The following GTSE1 variants were observed in gnomAD, a reference collection of about 807,000 sequenced individuals.
GTSE1 encodes G2 and S phase-expressed protein 1.
A neutral mutation model predicts 60.5 loss-of-function variants in GTSE1; 52 were observed. That is an observed-to-expected ratio of 0.86 (90% confidence interval 0.69 to 1.08). The LOEUF is 1.08. Among genes scored for constraint, GTSE1 ranks in the 50% least tolerant of loss-of-function variants. The pLI is 0.00. For synonymous variants in GTSE1, 368 were observed against 386.5 expected, an observed-to-expected ratio of 0.95 and a Z score of 0.56; for missense variants, 937 against 961.8, an observed-to-expected ratio of 0.97 and a Z score of 0.34.
rs1326693362 is a variant in GTSE1, at chr22:46,317,680, TC to T, written c.1432+1270del. 1.3e-5 allele frequency among the ~76,000 whole-genome samples: 2 copies of T among 152,352 alleles called. No homozygotes were observed. ...AGGCAGTTAAGGTGCAGATCATCCT[TC>T]CGAGGCTTTTTATGCTTTGAAGTGG... On this transcript the variant is annotated intron_variant, in intron 7 of 11. Transcript: ENST00000454366. The surrounding 1 kb of genome is among the most constrained non-coding windows in gnomAD (Gnocchi z 5.6).
At position 46,308,693 on chromosome 22, in the gene GTSE1, G is replaced by A. The variant is rs539781674; in HGVS notation, c.512G>A (p.Ser171Asn). The part of the protein sequence containing the change: ...LKRETYYLSD[S>N]PLLGPPVGEP... ...AGGGAGACATACTACCTGTCAGACA[G>A]CCCCTTGCTGGGGCCCCCTGTGGGT... is the stretch of plus-strand genomic sequence containing the variant. The change falls in exon 4 of 12, where the codon AGC (serine) becomes AAC (asparagine). Residue 171 changes from serine (S) to asparagine (N), a missense_variant. Transcript: ENST00000454366. 1.9e-6 allele frequency: 3 copies of A among 1,613,888 alleles called. No individual in the cohort carries two copies. The highest frequency in any genetic ancestry group is 1.3e-5 in the African/African-American group (1 of 75,080).
Position 46,329,062 on chromosome 22 carries a change from C to A in GTSE1, c.1926+173C>A. ...GAGGCAGTCAGGACTTCCAGGCCTCCAGGGGAGAAAGCCCTGCATTTGACT... is the reference window on the plus strand; with the variant it reads ...GAGGCAGTCAGGACTTCCAGGCCTCAAGGGGAGAAAGCCCTGCATTTGACT... On this transcript the variant is annotated intron_variant, in intron 10 of 11. Coordinates refer to ENST00000454366, the MANE Select transcript of GTSE1 (RefSeq NM_016426.7). This position sits in a 1 kb window ranked among gnomAD's most constrained non-coding sequence, Gnocchi z 6.4. The A allele has an allele frequency of 1.6e-6, 1 of 626,420 alleles. No individual in the cohort carries two copies. Among genetic ancestry groups the A allele is most frequent in the Non-Finnish European group, 2.8e-6 (1 of 355,702 alleles). 38.8% of individuals were successfully genotyped at this position (626,420 alleles called of 1,614,324 possible).
At chr22:46,308,239 G>T in intron 3 of GTSE1, 32 bp downstream of exon 3, 1 of 1,607,514 alleles carries the variant, frequency 6.2e-7, no homozygotes, top group Non-Finnish European at 8.5e-7. Flanking sequence ...CCTTGCCTTG[G>T]GCATAACCAC....
rs968508471 is a variant in GTSE1, at chr22:46,324,242, T to C, written c.1505+980T>C. ...CCATGCTAAGCTGCCGTCCCTCCCA[T>C]GCATGGTGGTGAAGAGCAAAGACCA... On this transcript the variant is annotated intron_variant, in intron 8 of 11. Transcript: ENST00000454366. This position sits in a 1 kb window ranked among gnomAD's most constrained non-coding sequence, Gnocchi z 5.2. Among the ~76,000 whole-genome samples, 7 of 152,168 alleles carry C rather than the reference T, an allele frequency of 4.6e-5. No individual in the cohort carries two copies. The highest frequency in any genetic ancestry group is 1.7e-4 in the African/African-American group (7 of 41,448).
intron 9 of GTSE1, 152 bp from the exon 10 acceptor site, chr22:46,328,536 A>C: frequency 6.5e-6 from 4 of 613,044 alleles, no homozygotes; most frequent in Non-Finnish European, 1.2e-5. Flanking sequence ...CCTTCCATAC[A>C]CAGGAAACTG....
At position 46,321,490 on chromosome 22, in the gene GTSE1, G is replaced by A. The variant is rs2077812291; in HGVS notation, c.1433-1700G>A. Among the ~76,000 whole-genome samples, 1 of 152,238 alleles carries A rather than the reference G, an allele frequency of 6.6e-6. No individual in the cohort carries two copies. The highest frequency in any genetic ancestry group is 1.9e-4 in the East Asian group (1 of 5,188). Reference sequence around the variant, plus strand: ...TTTGACTCAGCTGTGTGCGAGCTGCGCGCCTCTCCAGTGCTGGGGTGAACA... The same window carrying A: ...TTTGACTCAGCTGTGTGCGAGCTGCACGCCTCTCCAGTGCTGGGGTGAACA... On this transcript the variant is annotated intron_variant, in intron 7 of 11. Coordinates refer to ENST00000454366, the MANE Select transcript of GTSE1 (RefSeq NM_016426.7). The surrounding 1 kb of genome is among the most constrained non-coding windows in gnomAD (Gnocchi z 4.0).
In GTSE1 at chr22:46,297,972, A is replaced by C. The variant is rs939588598; in HGVS notation, c.79+493A>C. On this transcript the variant is annotated intron_variant, in intron 2 of 11. Transcript: ENST00000454366. This position sits in a 1 kb window ranked among gnomAD's most constrained non-coding sequence, Gnocchi z 4.9. Reference sequence around the variant, plus strand: ...TCAAAGCGTTTTTATTTATTTATTTATTTATTTATTGACGGAGTCTCGCTC... The same window carrying C: ...TCAAAGCGTTTTTATTTATTTATTTCTTTATTTATTGACGGAGTCTCGCTC... Among the ~76,000 whole-genome samples the C allele has an allele frequency of 6.6e-6, 1 of 151,788 alleles. No individual in the cohort carries two copies. The highest frequency in any genetic ancestry group is 1.5e-5 in the Non-Finnish European group (1 of 67,984).
chr22:46,321,628 G>A lies in GTSE1; in HGVS notation c.1433-1562G>A, dbSNP rs571231485. On this transcript the variant is annotated intron_variant, in intron 7 of 11. Coordinates refer to ENST00000454366, the MANE Select transcript of GTSE1 (RefSeq NM_016426.7). The surrounding 1 kb of genome is among the most constrained non-coding windows in gnomAD (Gnocchi z 4.0). The stretch of plus-strand genomic sequence containing the variant: ...AATGCGGAGGTAGCAATGTGGGTGC[G>A]TGATTTAGAAATGAGTGAAGGGAGA... Among the ~76,000 whole-genome samples, 2 of 152,308 alleles carry A rather than the reference G, an allele frequency of 1.3e-5. No individual in the cohort carries two copies. The highest frequency in any genetic ancestry group is 6.5e-5 in the Admixed American group (1 of 15,312).
chr22:46,313,377 T>C lies in GTSE1; in HGVS notation c.928-513T>C, dbSNP rs1380386717. Among the ~76,000 whole-genome samples, 2 of 152,168 alleles carry C rather than the reference T, an allele frequency of 1.3e-5. No individual in the cohort carries two copies. The highest frequency in any genetic ancestry group is 4.8e-5 in the African/African-American group (2 of 41,454). ...TGGGGCCCCAAATCTGCATTTCTGCTAGCTCCCTAATGTGGTCCTCATGCA... is the reference window on the plus strand; with the variant it reads ...TGGGGCCCCAAATCTGCATTTCTGCCAGCTCCCTAATGTGGTCCTCATGCA... On this transcript the variant is annotated intron_variant, in intron 5 of 11. Coordinates refer to ENST00000454366, the MANE Select transcript of GTSE1 (RefSeq NM_016426.7). The surrounding 1 kb of genome is among the most constrained non-coding windows in gnomAD (Gnocchi z 4.4).
chr22:46,314,111 C>A lies in GTSE1; in HGVS notation c.1051+98C>A. On this transcript the variant is annotated intron_variant, in intron 6 of 11. Transcript: ENST00000454366. The surrounding 1 kb of genome is among the most constrained non-coding windows in gnomAD (Gnocchi z 7.1). ...GACTGTTTCTGCAGAACCACTTAGG[C>A]TTGGCAGGACGTCCCGGAGGGCGTG... 1 of 1,468,858 alleles carries A rather than the reference C, an allele frequency of 6.8e-7. No homozygotes were observed. Among genetic ancestry groups the A allele is most frequent in the South Asian group, 1.2e-5 (1 of 86,510 alleles). The allele number at this position is 1,468,858 out of a possible 1,614,324, so 91.0% of individuals were successfully genotyped here.
rs143044217 is a variant in GTSE1 at position 46,299,596 on chromosome 22, G to C, written c.79+2117G>C. ...AGAAGATATCCTGAATCCATCTACA[G>C]ACTCTCCATCTCCATCCACATGCTG... On this transcript the variant is annotated intron_variant, in intron 2 of 11. Transcript: ENST00000454366. Among the ~76,000 whole-genome samples, 424 of 152,234 alleles carry C rather than the reference G, an allele frequency of 2.8e-3. 3 individuals carry two copies. The highest frequency in any genetic ancestry group is 9.8e-3 in the African/African-American group (406 of 41,544).
rs111808708 is a variant in GTSE1 at position 46,297,956 on chromosome 22, T to TTTTATTTATTTATTTA, written c.79+488_79+503dup. Among the ~76,000 whole-genome samples, 1 of 151,674 alleles carries TTTTATTTATTTATTTA rather than the reference T, an allele frequency of 6.6e-6. No individual in the cohort carries two copies. Among genetic ancestry groups the TTTTATTTATTTATTTA allele is most frequent in the African/African-American group, 2.4e-5 (1 of 41,140 alleles). On this transcript the variant is annotated intron_variant, in intron 2 of 11. Coordinates refer to ENST00000454366, the MANE Select transcript of GTSE1 (RefSeq NM_016426.7). The surrounding 1 kb of genome is among the most constrained non-coding windows in gnomAD (Gnocchi z 4.9). The stretch of plus-strand genomic sequence containing the variant: ...ACACCCTCTTTTTCTCTCAAAGCGT[T>TTTTATTTATTTATTTA]TTTATTTATTTATTTATTTATTTAT...
At chr22:46,326,858 T>C in intron 9 of GTSE1, 2 of 506,504 alleles carry the variant, frequency 3.9e-6, no homozygotes, top group Non-Finnish European at 6.9e-6. Flanking sequence ...AAGGAAATAC[T>C]GCGTGTAATT....
At position 46,316,218 on chromosome 22, in the gene GTSE1, C is replaced by G; in HGVS notation, c.1238C>G (p.Pro413Arg). The part of the protein sequence containing the change: ...SELAAEQLTA[P>R]PSASPTQPQT... ...CTGGCAGCGGAGCAGCTCACGGCAC[C>G]CCCCTCAGCATCCCCCACCCAACCC... is the stretch of plus-strand genomic sequence containing the variant. The change falls in exon 7 of 12, where the codon CCC becomes CGC. Residue 413 changes from proline to arginine, a missense_variant. Transcript: ENST00000454366. The surrounding 1 kb of genome is among the most constrained non-coding windows in gnomAD (Gnocchi z 5.0). The G allele has an allele frequency of 6.2e-7, 1 of 1,613,738 alleles. No individual in the cohort carries two copies. Among genetic ancestry groups the G allele is most frequent in the Non-Finnish European group, 8.5e-7 (1 of 1,179,942 alleles).
In GTSE1 at chr22:46,320,126, A is replaced by ACCT. The variant is rs2077804079; in HGVS notation, c.1433-3063_1433-3062insCTC. Among the ~76,000 whole-genome samples, 2 of 152,160 alleles carry ACCT rather than the reference A, an allele frequency of 1.3e-5. No individual in the cohort carries two copies. Among genetic ancestry groups the ACCT allele is most frequent in the Admixed American group, 1.3e-4 (2 of 15,270 alleles). ...TTCTGCCTGAATGCCTGGAGCCAGG[A>ACCT]CATGCGTCTGCCATGTCTCTCCTGA... is the stretch of plus-strand genomic sequence containing the variant. On this transcript the variant is annotated intron_variant, in intron 7 of 11. Coordinates refer to ENST00000454366, the MANE Select transcript of GTSE1 (RefSeq NM_016426.7). This position sits in a 1 kb window ranked among gnomAD's most constrained non-coding sequence, Gnocchi z 7.1.
rs887517403 is a variant in GTSE1 at position 46,297,167 on chromosome 22, C to G, written c.-21-213C>G. Among the ~76,000 whole-genome samples the G allele has an allele frequency of 1.3e-5, 2 of 151,432 alleles. No homozygotes were observed. Among genetic ancestry groups the G allele is most frequent in the African/African-American group, 2.4e-5 (1 of 41,448 alleles). The stretch of plus-strand genomic sequence containing the variant: ...CCAGAAGCCGAGAATTCCGTTATCT[C>G]GTCTGATGGCGTTCGGGCTGACTCC... On this transcript the variant is annotated intron_variant, in intron 1 of 11. Coordinates refer to ENST00000454366, the MANE Select transcript of GTSE1 (RefSeq NM_016426.7). The surrounding 1 kb of genome is among the most constrained non-coding windows in gnomAD (Gnocchi z 4.9).
At chr22:46,326,251 T>A (rs774691169) in intron 8 of GTSE1, among the ~76,000 whole-genome samples, 185 bp from the exon 9 acceptor site, 2 of 152,368 alleles carry the variant, frequency 1.3e-5, no homozygotes, top group Middle Eastern at 3.4e-3. Context: ...GATGGGTTGG[T>A]AGCAGCTCGG....
rs559046560 is a variant in GTSE1, at chr22:46,318,473, A to G, written c.1432+2061A>G. ...TCTGTTTAATAGGAAAAGATACGAA[A>G]TGTTATCAGATGAGCAGGCCTGCAG... On this transcript the variant is annotated intron_variant, in intron 7 of 11. Transcript: ENST00000454366. The surrounding 1 kb of genome is among the most constrained non-coding windows in gnomAD (Gnocchi z 4.8). 6.6e-6 allele frequency among the ~76,000 whole-genome samples: 1 copy of G among 152,306 alleles called. No individual in the cohort carries two copies. Among genetic ancestry groups the G allele is most frequent in the East Asian group, 1.9e-4 (1 of 5,184 alleles).
At chr22:46,302,120 C>T (rs937748011) in intron 2 of GTSE1, among the ~76,000 whole-genome samples, 13 of 151,860 alleles carry the variant, frequency 8.6e-5, no homozygotes, top group Non-Finnish European at 1.9e-4. Context: ...AGTGAAACTC[C>T]GTCTCAAAAA....
Sources: allele counts gnomAD v4.1 joint callset (sites outside exome capture counted in the v4.1 genomes callset), GRCh38; gene constraint gnomAD v4.1.1; non-coding constraint Gnocchi (gnomAD v3.1); transcripts MANE v1.5; gene names NCBI Gene and HGNC (gene_info 2026-07-23, HGNC 2026-07-21).